Variants in CASD1 observed in about 807,000 individuals in gnomAD.
CASD1 encodes CAS1 domain sialic acid O acetyltransferase 1, also known as N-acetylneuraminate (7)9-O-acetyltransferase.
Under a neutral mutation model 100.0 loss-of-function variants are expected in CASD1, and 41 were observed. The observed-to-expected ratio is 0.41, with a 90% CI of 0.32 to 0.53. CASD1 has a LOEUF of 0.53. Among genes scored for constraint, CASD1 ranks in the 20% least tolerant of loss-of-function variants. CASD1 has a pLI of 0.25. For missense variants in CASD1, 774 were observed against 948.7 expected (o/e 0.82, Z 2.42); for synonymous variants, 321 against 315.6 (o/e 1.02, Z -0.18).
intron 3 of CASD1, among the ~76,000 whole-genome samples, chr7:94,524,633 A>G (rs1425917355): frequency 6.6e-6 from 1 of 152,160 alleles, no homozygotes. Flanking sequence ...CTATGGAACA[A>G]TTAGGGAAAT....
the CASD1 span, among the ~76,000 whole-genome samples, chr7:94,611,187 C>T: frequency 6.6e-6 from 1 of 152,160 alleles, no homozygotes; most frequent in African/African-American, 2.4e-5. Context: ...TACACAAAGA[C>T]TTGTACATGA....
the CASD1 span, among the ~76,000 whole-genome samples, chr7:94,595,214 A>G: frequency 6.6e-6 from 1 of 152,164 alleles, no homozygotes; most frequent in South Asian, 2.1e-4. Flanking sequence ...AAATATTACT[A>G]TGTAATTGAT....
At chr7:94,538,883 GA>G in intron 9 of CASD1, 83 bp from the exon 10 acceptor site, 3 of 628,410 alleles carry the variant, frequency 4.8e-6, no homozygotes, top group Non-Finnish European at 7.9e-6. Context: ...TGTCCTATAA[GA>G]AAACTTTTAA....
chr7:94,524,197 CA>C (rs1446300364), intron 3 of CASD1: 2 of 151,938 alleles, frequency 1.3e-5, no homozygotes, highest in East Asian at 3.8e-4. Flanking sequence ...AAGATAAATT[CA>C]CATACCTTAA....
the CASD1 span, among the ~76,000 whole-genome samples, chr7:94,607,105 A>T: frequency 6.6e-6 from 1 of 152,150 alleles, no homozygotes; most frequent in Non-Finnish European, 1.5e-5. Context: ...GAAAAAAAAA[A>T]TCAGATAATC....
the CASD1 span, chr7:94,588,134 T>G: frequency 8.7e-7 from 1 of 1,146,794 alleles, no homozygotes; most frequent in African/African-American, 1.6e-5. Flanking sequence ...TAGGGACACT[T>G]GAAAGAAATA....
the CASD1 span, among the ~76,000 whole-genome samples, chr7:94,573,004 T>C: frequency 6.6e-6 from 1 of 152,224 alleles, no homozygotes; most frequent in African/African-American, 2.4e-5. Context: ...CCCCATTGCA[T>C]GTTTTGTCAG....
At chr7:94,549,395 A>G (rs1162032720) in intron 13 of CASD1, 138 bp from the exon 14 acceptor site, 2 of 452,022 alleles carry the variant, frequency 4.4e-6, no homozygotes, top group East Asian at 3.5e-5. Context: ...ATATTTTCAA[A>G]TGAAATAAAA....
the CASD1 span, chr7:94,616,760 C>T: frequency 3.3e-5 from 5 of 151,462 alleles, no homozygotes; most frequent in South Asian, 2.1e-4. Flanking sequence ...ACTTTTTTTT[C>T]GAATTATAAC....
chr7:94,563,096 G>T, the CASD1 span, among the ~76,000 whole-genome samples: 1 of 152,086 alleles, frequency 6.6e-6, no homozygotes, highest in African/African-American at 2.4e-5. Flanking sequence ...TCACCTTTAG[G>T]GGGGTTCTGC....
At chr7:94,578,447 C>G in the CASD1 span, among the ~76,000 whole-genome samples, 3 of 152,202 alleles carry the variant, frequency 2.0e-5, no homozygotes, top group Non-Finnish European at 4.4e-5. Flanking sequence ...CCTAGCCCAA[C>G]TGCCTGTAGT....
chr7:94,628,209 A>G, the CASD1 span: 1 of 1,610,810 alleles, frequency 6.2e-7, no homozygotes, highest in South Asian at 1.1e-5. Flanking sequence ...TACCTCAATG[A>G]TTGTTGGCTT....
rs1796109064 is a variant in CASD1, at chr7:94,554,512, C to T, written c.2064C>T (p.Ile688=). The T allele has an allele frequency of 6.2e-7, 1 of 1,611,368 alleles. No homozygotes were observed. Among genetic ancestry groups the T allele is most frequent in the Non-Finnish European group, 8.5e-7 (1 of 1,178,430 alleles). ...QILAFILIRN[I]PGYARSVYSS... ...TAGCCTTCATCCTAATAAGAAACATCCCTGGATATGCCCGTTCAGTTTACA... is the reference window on the plus strand; with the variant it reads ...TAGCCTTCATCCTAATAAGAAACATTCCTGGATATGCCCGTTCAGTTTACA... The change falls in exon 17 of 18, where the codon ATC becomes ATT. Residue 688 remains isoleucine, a synonymous_variant. Coordinates refer to ENST00000297273, the MANE Select transcript of CASD1 (RefSeq NM_022900.5).
At chr7:94,591,638 G>T in the CASD1 span, among the ~76,000 whole-genome samples, 1 of 152,112 alleles carries the variant, frequency 6.6e-6, no homozygotes, top group Non-Finnish European at 1.5e-5. Flanking sequence ...CACTTCTCTT[G>T]TTGGCCCTCC....
rs183811536 is a variant in CASD1, at chr7:94,556,415, G to A, written c.*657G>A. ...AATAGTTCTGAGGCTCCATGACAGGGTTTTGTCATTGTTGATGTTATTGTT... is the reference window on the plus strand; with the variant it reads ...AATAGTTCTGAGGCTCCATGACAGGATTTTGTCATTGTTGATGTTATTGTT... On this transcript the variant is annotated 3_prime_UTR_variant, in exon 18 of 18. Transcript: ENST00000297273. 1 of 152,062 alleles carries A rather than the reference G, an allele frequency of 6.6e-6. No homozygotes were observed. The highest frequency in any genetic ancestry group is 1.9e-4 in the East Asian group (1 of 5,176). The allele number at this position is 152,062 out of a possible 1,614,324, so 9.4% of individuals were successfully genotyped here.
chr7:94,633,390 T>G, the CASD1 span, among the ~76,000 whole-genome samples: 1 of 152,140 alleles, frequency 6.6e-6, no homozygotes, highest in Admixed American at 6.6e-5. Context: ...AATAATTACA[T>G]ATCTGAGTAG....
the CASD1 span, chr7:94,594,421 C>T: frequency 1.3e-5 from 2 of 152,104 alleles, no homozygotes; most frequent in Non-Finnish European, 2.9e-5. Context: ...GAGGGACATA[C>T]TACACAATAC....
At chr7:94,594,368 ATAAC>A in the CASD1 span, 2 of 152,158 alleles carry the variant, frequency 1.3e-5, 1 homozygote, top group Admixed American at 1.3e-4. Context: ...GGCTACAAAG[ATAAC>A]TAAGTACAGA....
chr7:94,619,143 C>A, the CASD1 span: 1 of 595,066 alleles, frequency 1.7e-6, no homozygotes, highest in Non-Finnish European at 3.0e-6. Flanking sequence ...ACATTAGAAA[C>A]AGAACTTTAT....
Sources: allele counts gnomAD v4.1 joint callset (sites outside exome capture counted in the v4.1 genomes callset), GRCh38; gene constraint gnomAD v4.1.1; transcripts MANE v1.5; gene names NCBI Gene and HGNC (gene_info 2026-07-23, HGNC 2026-07-21).